Variants in TEAD1 observed in about 807,000 individuals in gnomAD.
The protein encoded by TEAD1 is TEA domain transcription factor 1, also known as transcriptional enhancer factor TEF-1.
TEAD1 carries 9 observed loss-of-function variants against 54.9 expected under a neutral mutation model. The ratio of observed to expected loss-of-function variants is 0.16; its 90% confidence interval spans 0.10 to 0.29. The LOEUF is 0.29. Ranked by LOEUF, TEAD1 falls within the 10% of genes least tolerant of loss-of-function variation. The pLI is 1.00. For missense variants in TEAD1, 387 were observed against 535.9 expected (o/e 0.72, Z 2.74); for synonymous variants, 200 against 187.8 (o/e 1.07, Z -0.53).
At chr11:12,882,887 G>C (rs1177298477) in intron 8 of TEAD1, 114 bp from the exon 9 acceptor site, 3 of 1,508,856 alleles carry the variant, frequency 2.0e-6, no homozygotes, top group South Asian at 1.1e-5. Context: ...AGCCGGTGGA[G>C]AGGGGGCTGT....
At chr11:12,698,943 G>C (rs1247987519) in intron 2 of TEAD1, among the ~76,000 whole-genome samples, 1 of 152,178 alleles carries the variant, frequency 6.6e-6, no homozygotes, top group Non-Finnish European at 1.5e-5. Flanking sequence ...TTAGTTGTAA[G>C]TTGGATTTAT....
chr11:12,750,310 C>T (rs1358146741), intron 2 of TEAD1, among the ~76,000 whole-genome samples: 13 of 152,076 alleles, frequency 8.5e-5, no homozygotes, highest in Admixed American at 8.5e-4. Flanking sequence ...GTCTGATGAG[C>T]ATTCATTAGA....
At chr11:12,888,671 C>A (rs562923065) in intron 9 of TEAD1, among the ~76,000 whole-genome samples, 1 of 152,236 alleles carries the variant, frequency 6.6e-6, no homozygotes, top group Admixed American at 6.5e-5. Context: ...GACTTCCTCA[C>A]AACCCCACCA....
intron 2 of TEAD1, among the ~76,000 whole-genome samples, chr11:12,723,056 G>A (rs1057061693): frequency 2.4e-4 from 37 of 151,754 alleles, no homozygotes; most frequent in African/African-American, 8.9e-4. Context: ...TTTTTCCTTA[G>A]GGTGAATTCC....
intron 2 of TEAD1, among the ~76,000 whole-genome samples, chr11:12,751,329 C>T (rs991117087): frequency 2.0e-5 from 3 of 151,638 alleles, no homozygotes; most frequent in African/African-American, 7.3e-5. Flanking sequence ...GGCATGGGCC[C>T]AAACCTTAAA....
chr11:12,865,950 C>A (rs1455303312), intron 5 of TEAD1, among the ~76,000 whole-genome samples: 2 of 152,000 alleles, frequency 1.3e-5, no homozygotes, highest in South Asian at 2.1e-4. Flanking sequence ...AGTCTCACAA[C>A]ACTTGAGTGG....
In TEAD1 at chr11:12,893,530, G is replaced by A. The variant is rs545509103; in HGVS notation, c.700-8410G>A. 5.9e-5 allele frequency among the ~76,000 whole-genome samples: 9 copies of A among 152,302 alleles called. 1 individual carries two copies. In the South Asian group the frequency reaches 1.9e-3, roughly 32 times the overall value. ...CGGGTTCTATAGACATTTCACAGAG[G>A]CCCCAGTCAGGCCCCCTCTGCTTTC... On this transcript the variant is annotated intron_variant, in intron 9 of 12. Transcript: ENST00000527636.
intron 3 of TEAD1, among the ~76,000 whole-genome samples, chr11:12,771,769 C>A (rs1945315800): frequency 6.6e-6 from 1 of 152,100 alleles, no homozygotes; most frequent in South Asian, 2.1e-4. Context: ...GCCTGTGATG[C>A]CCAGGCTCAC....
intron 3 of TEAD1, among the ~76,000 whole-genome samples, chr11:12,844,030 A>T (rs1039468714): frequency 6.6e-6 from 1 of 152,200 alleles, no homozygotes; most frequent in Non-Finnish European, 1.5e-5. Context: ...TAAATTATTC[A>T]AGTTATTTTC....
intron 3 of TEAD1, among the ~76,000 whole-genome samples, chr11:12,766,110 T>G (rs1203032671): frequency 6.6e-6 from 1 of 152,182 alleles, no homozygotes; most frequent in Non-Finnish European, 1.5e-5. Context: ...AACAAAGGCA[T>G]AGTATTAGAA....
chr11:12,731,254 T>A (rs1158954239), intron 2 of TEAD1, among the ~76,000 whole-genome samples: 1 of 152,192 alleles, frequency 6.6e-6, no homozygotes, highest in Non-Finnish European at 1.5e-5. Context: ...TAATTTTTCT[T>A]ATCAGATTTG....
chr11:12,816,246 A>G (rs971582581), intron 3 of TEAD1, among the ~76,000 whole-genome samples: 2 of 152,026 alleles, frequency 1.3e-5, no homozygotes, highest in African/African-American at 4.8e-5. Flanking sequence ...CCTTGCTGCC[A>G]CCCTCTCTCA....
At chr11:12,731,506 C>T (rs1378408024) in intron 2 of TEAD1, among the ~76,000 whole-genome samples, 1 of 151,982 alleles carries the variant, frequency 6.6e-6, no homozygotes, top group African/African-American at 2.4e-5. Context: ...TTGTACTTTT[C>T]TGGTAGGTGG....
chr11:12,865,097 G>A (rs1947590141), intron 5 of TEAD1, 197 bp downstream of exon 5: 2 of 673,134 alleles, frequency 3.0e-6, no homozygotes, highest in Non-Finnish European at 5.4e-6. Context: ...GTGAGCGCGT[G>A]TGTGTGTTTG....
In TEAD1 at chr11:12,779,489, C is replaced by T. The variant is rs1029698003; in HGVS notation, c.202+15055C>T. On this transcript the variant is annotated intron_variant, in intron 3 of 12. Coordinates refer to ENST00000527636, the MANE Select transcript of TEAD1 (RefSeq NM_021961.6). Reference sequence around the variant, plus strand: ...TAATATTGCTAAACCTCCATATCCTCATCTGGTCAATGGGACCAATATTGG... The same window carrying T: ...TAATATTGCTAAACCTCCATATCCTTATCTGGTCAATGGGACCAATATTGG... 3.0e-4 allele frequency among the ~76,000 whole-genome samples: 46 copies of T among 152,200 alleles called. 2 individuals carry two copies. Among genetic ancestry groups the T allele is most frequent in the Admixed American group, 2.9e-3 (45 of 15,284 alleles).
chr11:12,855,949 A>AC (rs1947367840), intron 3 of TEAD1, among the ~76,000 whole-genome samples: 2 of 144,608 alleles, frequency 1.4e-5, no homozygotes, highest in Non-Finnish European at 3.1e-5. Context: ...CCTTGTCTTA[A>AC]AAAAAAAAAA....
chr11:12,686,701 C>T lies in TEAD1; in HGVS notation c.-55+11140C>T, dbSNP rs915502148. ...CTGAGGGAGACTGTGTAATGATGTCCTATGATGCACCTAAATAGATAAGCC... is the reference window on the plus strand; with the variant it reads ...CTGAGGGAGACTGTGTAATGATGTCTTATGATGCACCTAAATAGATAAGCC... On this transcript the variant is annotated intron_variant, in intron 2 of 12. Coordinates refer to ENST00000527636, the MANE Select transcript of TEAD1 (RefSeq NM_021961.6). Among the ~76,000 whole-genome samples the T allele has an allele frequency of 6.3e-4, 96 of 152,154 alleles. 1 individual carries two copies. The highest frequency in any genetic ancestry group is 3.7e-4 in the Non-Finnish European group (25 of 68,016).
At chr11:12,876,505 T>G (rs1296153315) in intron 5 of TEAD1, among the ~76,000 whole-genome samples, 1 of 152,164 alleles carries the variant, frequency 6.6e-6, no homozygotes, top group Non-Finnish European at 1.5e-5. Context: ...TGTGAGAGGA[T>G]CCACGATGTT....
intron 3 of TEAD1, among the ~76,000 whole-genome samples, chr11:12,820,062 G>T (rs935918448): frequency 1.3e-5 from 2 of 151,882 alleles, no homozygotes; most frequent in Non-Finnish European, 2.9e-5. Flanking sequence ...GAAGGTGAAG[G>T]GGAGGTGGTG....
Sources: allele counts gnomAD v4.1 joint callset (sites outside exome capture counted in the v4.1 genomes callset), GRCh38; gene constraint gnomAD v4.1.1; transcripts MANE v1.5; gene names NCBI Gene and HGNC (gene_info 2026-07-23, HGNC 2026-07-21).